KDM5C: variants seen among roughly 807,000 people sequenced by gnomAD.
KDM5C encodes the protein lysine demethylase 5C.
Under a neutral mutation model 110.6 loss-of-function variants are expected in KDM5C, and 16 were observed. The observed-to-expected ratio is 0.14, with a 90% confidence interval of 0.10 to 0.22. The LOEUF (loss-of-function observed/expected upper bound fraction) is 0.22. Among genes scored for constraint, KDM5C ranks in the 10% least tolerant of loss-of-function variants. KDM5C has a pLI of 1.00. For synonymous variants in KDM5C, 511 were observed against 520.4 expected, an observed-to-expected ratio of 0.98 and a Z score of 0.24; for missense variants, 681 against 1,300.9, an observed-to-expected ratio of 0.52 and a Z score of 7.33.
chrX:53,217,006 G>C, intron 5 of KDM5C, 137 bp downstream of exon 5: 4 of 770,792 alleles, frequency 5.2e-6, no homozygotes, highest in Non-Finnish European at 7.7e-6. Flanking sequence ...TGAAGCCAGA[G>C]AGAGGCACAC....
intron 8 of KDM5C, chrX:53,212,633 GAGA>G (rs782259805): frequency 1.8e-5 from 2 of 111,505 alleles, no homozygotes; most frequent in African/African-American, 3.3e-5. Context: ...AGGGTGCTTA[GAGA>G]AGGTTTTTTA....
At chrX:53,203,355 C>A (rs1218351385) in intron 12 of KDM5C, among the ~76,000 whole-genome samples, 2 of 111,141 alleles carry the variant, frequency 1.8e-5, no homozygotes, top group African/African-American at 6.6e-5. Flanking sequence ...CTGGGTAGGC[C>A]CATTGACTCT....
At chrX:53,222,183 T>C (rs1342304421) in intron 1 of KDM5C, among the ~76,000 whole-genome samples, 1 of 109,762 alleles carries the variant, frequency 9.1e-6, no homozygotes, top group Non-Finnish European at 1.9e-5. Flanking sequence ...CATACATGCA[T>C]ACACGTGGGC....
At chrX:53,199,646 G>A (rs1211285307) in intron 14 of KDM5C, among the ~76,000 whole-genome samples, 4 of 111,833 alleles carry the variant, frequency 3.6e-5, no homozygotes, top group African/African-American at 9.7e-5. Context: ...AAATTCAACC[G>A]TATGTGCTTG....
At chrX:53,216,018 C>T (rs1556851676) in intron 6 of KDM5C, 42 bp from the exon 7 acceptor site, 2 of 1,210,561 alleles carry the variant, frequency 1.7e-6, no homozygotes, top group African/African-American at 1.7e-5. Context: ...GTCTAGGACA[C>T]TTAGGGCCCT....
At chrX:53,212,216 C>T (rs901711957) in intron 8 of KDM5C, among the ~76,000 whole-genome samples, 1 of 111,799 alleles carries the variant, frequency 8.9e-6, no homozygotes, top group Admixed American at 9.5e-5. Flanking sequence ...CTCTTTTCTT[C>T]CTTTAGGACT....
In KDM5C at chrX:53,202,977, C is replaced by T. The variant is rs1183740843; in HGVS notation, c.1747-1004G>A. 2.7e-5 allele frequency among the ~76,000 whole-genome samples: 3 copies of T among 110,739 alleles called. No individual in the cohort carries two copies. The Admixed American group carries it at 2.9e-4, about 11-fold the overall frequency. On this transcript the variant is annotated intron_variant, in intron 12 of 25. Coordinates refer to ENST00000375401, the MANE Select transcript of KDM5C (RefSeq NM_004187.5). Reference sequence around the variant, plus strand: ...GGGACTACAGACGCCTGCCACCACGCCCGGCTAATTTTTTGTATTTTTAGT... The same window carrying T: ...GGGACTACAGACGCCTGCCACCACGTCCGGCTAATTTTTTGTATTTTTAGT...
intron 25 of KDM5C, among the ~76,000 whole-genome samples, chrX:53,177,805 G>A (rs1419507124): frequency 3.6e-5 from 4 of 112,013 alleles, no homozygotes; most frequent in Admixed American, 9.5e-5. Context: ...ACTTGTACAC[G>A]TCTTTCTGGT....
intron 12 of KDM5C, among the ~76,000 whole-genome samples, chrX:53,205,348 A>G (rs1363477666): frequency 1.8e-5 from 2 of 112,210 alleles, no homozygotes; most frequent in African/African-American, 6.5e-5. Context: ...ATTCATAAAC[A>G]TATCTCCACA....
chrX:53,188,833 T>C (rs1487356639), downstream of KDM5C, among the ~76,000 whole-genome samples: 1 of 111,776 alleles, frequency 8.9e-6, no homozygotes, highest in East Asian at 2.8e-4. Flanking sequence ...CAAGCTGCCA[T>C]ATTATGAGCC....
At chrX:53,205,056 T>C (rs782770216) in intron 12 of KDM5C, among the ~76,000 whole-genome samples, 2 of 112,327 alleles carry the variant, frequency 1.8e-5, no homozygotes, top group South Asian at 3.7e-4. Context: ...AATCCCTTTA[T>C]GTAATTTTTG....
In KDM5C at chrX:53,192,567, G is replaced by T; in HGVS notation, c.*400C>A. 2.3e-6 allele frequency: 1 copy of T among 425,662 alleles called. No homozygotes were observed. Among genetic ancestry groups the T allele is most frequent in the Non-Finnish European group, 4.1e-6 (1 of 241,572 alleles). The allele number at this position is 425,662 out of a possible 1,213,427, so 35.1% of individuals were successfully genotyped here. A position where few individuals can be genotyped will look rare whatever the true frequency, so the allele number is the denominator to read the frequency against. On this transcript the variant is annotated 3_prime_UTR_variant, in exon 26 of 26. Coordinates refer to ENST00000375401, the MANE Select transcript of KDM5C (RefSeq NM_004187.5). ...AGAGGGGAGGAGAGTGGGGGCAGGG[G>T]TTAGTGTAGCATGGCCTGGCCAGGA...
At chrX:53,219,438 C>T (rs1160159617) in intron 2 of KDM5C, among the ~76,000 whole-genome samples, 2 of 112,258 alleles carry the variant, frequency 1.8e-5, no homozygotes, top group African/African-American at 6.5e-5. Context: ...CAGAGTAGCA[C>T]TAGCACCTGG....
chrX:53,197,267 T>C (rs1213653636), intron 18 of KDM5C, among the ~76,000 whole-genome samples: 2 of 111,994 alleles, frequency 1.8e-5, no homozygotes, highest in Non-Finnish European at 1.9e-5. Context: ...TGCAGATTCC[T>C]GGGCCCCACC....
intron 18 of KDM5C, 166 bp downstream of exon 18, chrX:53,197,605 C>G: frequency 2.1e-6 from 1 of 485,102 alleles, no homozygotes; most frequent in Non-Finnish European, 3.7e-6. Flanking sequence ...CCATTTCTAA[C>G]AGACAAGTCA....
rs2073997496 is a variant in KDM5C at position 53,224,882 on chromosome X, G to A, written c.8C>T (p.Pro3Leu). 3 of 1,206,847 alleles carry A rather than the reference G, an allele frequency of 2.5e-6. No homozygotes were observed. The highest frequency in any genetic ancestry group is 2.2e-6 in the Non-Finnish European group (2 of 892,414). The change falls in exon 1 of 26, where the codon CCG (proline) becomes CTG (leucine). Residue 3 changes from proline (P) to leucine (L), a missense_variant. This residue lies in a region of KDM5C where 15 missense variants were observed against 37.0 expected (regional missense o/e 0.41). Coordinates refer to ENST00000375401, the MANE Select transcript of KDM5C (RefSeq NM_004187.5). ME[P>L]GSDDFLPPPE... ...TGGCGGTAGGAAATCGTCGGACCCCGGCTCCATGGTGGGCCCGAGGTCTGG... is the reference window on the plus strand; with the variant it reads ...TGGCGGTAGGAAATCGTCGGACCCCAGCTCCATGGTGGGCCCGAGGTCTGG...
chrX:53,191,876 G>A, downstream of KDM5C: 1 of 176,137 alleles, frequency 5.7e-6, no homozygotes, highest in Non-Finnish European at 1.1e-5. Flanking sequence ...AGCTTGAGGA[G>A]GATAAACTGG....
intron 8 of KDM5C, 150 bp downstream of exon 8, chrX:53,214,539 T>C (rs1569277094): frequency 3.4e-6 from 2 of 587,311 alleles, no homozygotes; most frequent in African/African-American, 4.6e-5. Context: ...AATCTCCTGC[T>C]CCTTTCTCCC....
chrX:53,187,581 T>C (rs1934256881), downstream of KDM5C, among the ~76,000 whole-genome samples: 2 of 109,994 alleles, frequency 1.8e-5, no homozygotes. Context: ...GTACCTAGGG[T>C]GTGTTGGGGA....
Sources: gnomAD v4.1 joint callset for allele counts (sites outside exome capture counted in the v4.1 genomes callset) on GRCh38, gnomAD v4.1.1 for gene constraint, gnomAD v4.1.1 regional missense constraint, MANE v1.5 for transcripts, NCBI Gene and HGNC (gene_info 2026-07-23, HGNC 2026-07-21) for gene names.